MCMBP: variants seen among roughly 807,000 people sequenced by gnomAD.
MCMBP encodes the protein mini-chromosome maintenance complex-binding protein.
MCMBP carries 31 observed loss-of-function variants against 81.3 expected under a neutral mutation model. The ratio of observed to expected loss-of-function variants is 0.38; its 90% CI spans 0.29 to 0.51. MCMBP has a LOEUF of 0.51. MCMBP is among the 20% of genes least tolerant of loss of function. MCMBP has a pLI of 0.87. For synonymous variants in MCMBP, 267 were observed against 275.9 expected, an observed-to-expected ratio of 0.97 and a Z score of 0.32; for missense variants, 645 against 772.1, an observed-to-expected ratio of 0.84 and a Z score of 1.95.
Position 119,831,533 on chromosome 10 carries a change from C to A in MCMBP, c.1864G>T (p.Glu622Ter). 2 of 1,614,090 alleles carry A rather than the reference C, an allele frequency of 1.2e-6. No individual in the cohort carries two copies. The highest frequency in any genetic ancestry group is 1.7e-6 in the Non-Finnish European group (2 of 1,179,958). The change falls in exon 16 of 16, where the codon GAG (glutamate) becomes TAG (stop). Residue 622 changes from glutamate (E) to a stop codon, truncating the protein, a stop_gained. Coordinates refer to ENST00000369077, the MANE Select transcript of MCMBP (RefSeq NM_001256378.2). LOFTEE classifies it high-confidence loss of function. ...TGAAGCCTCGTTCTTCTTAAAGACTCTAGCTGCTTTGCTCTCAGCCATCGT... is the reference window on the plus strand; with the variant it reads ...TGAAGCCTCGTTCTTCTTAAAGACTATAGCTGCTTTGCTCTCAGCCATCGT... Reference protein sequence around the residue: ...RERWLRAKQLESLRRTRLQQQ... With the variant: ...RERWLRAKQL
chr10:119,863,874 C>T (rs749138698), intron 1 of MCMBP, among the ~76,000 whole-genome samples: 5 of 150,376 alleles, frequency 3.3e-5, no homozygotes, highest in Non-Finnish European at 7.4e-5. Flanking sequence ...TAGTTTGTGG[C>T]TGTGATCAGC....
At chr10:119,844,414 T>C (rs573751040) in intron 8 of MCMBP, among the ~76,000 whole-genome samples, 4 of 152,316 alleles carry the variant, frequency 2.6e-5, no homozygotes, top group South Asian at 2.1e-4. Flanking sequence ...GTACGTACCA[T>C]GTGACAGACA....
At chr10:119,867,090 C>T (rs566385880) in intron 1 of MCMBP, among the ~76,000 whole-genome samples, 5 of 151,824 alleles carry the variant, frequency 3.3e-5, no homozygotes, top group Admixed American at 2.6e-4. Context: ...CAGAGGAGGT[C>T]GAGACCATCC....
intron 6 of MCMBP, 101 bp from the exon 7 acceptor site, chr10:119,849,677 C>G: frequency 9.2e-7 from 1 of 1,090,342 alleles, no homozygotes; most frequent in Non-Finnish European, 1.3e-6. Context: ...CGTGATGCTT[C>G]TGAGCTTGCA....
chr10:119,854,530 C>A (rs1007211965), intron 5 of MCMBP, among the ~76,000 whole-genome samples: 1 of 135,652 alleles, frequency 7.4e-6, no homozygotes, highest in Non-Finnish European at 1.6e-5. Context: ...AAGGGAGAGA[C>A]CCTGTCTCAA....
chr10:119,838,263 CATTATAT>C (rs963943435), intron 12 of MCMBP, among the ~76,000 whole-genome samples: 1 of 147,470 alleles, frequency 6.8e-6, no homozygotes, highest in Admixed American at 6.8e-5. Flanking sequence ...TTAAATGAGA[CATTATAT>C]ATTATATATG....
chr10:119,855,354 A>G (rs1189041594), intron 5 of MCMBP, among the ~76,000 whole-genome samples: 2 of 152,208 alleles, frequency 1.3e-5, no homozygotes, highest in Admixed American at 6.5e-5. Flanking sequence ...TTTGAAATCA[A>G]TAATCTGAGC....
Position 119,840,973 on chromosome 10 carries a change from G to T in MCMBP, c.1125-13C>A. ...TCTTCTTGTATATCTAGAAAAGAAAGAAATCAATCAATAAGATGCTGAAGT... is the reference window on the plus strand; with the variant it reads ...TCTTCTTGTATATCTAGAAAAGAAATAAATCAATCAATAAGATGCTGAAGT... On this transcript the variant is annotated splice_polypyrimidine_tract_variant and intron_variant, in intron 10 of 15. Coordinates refer to ENST00000369077, the MANE Select transcript of MCMBP (RefSeq NM_001256378.2). The T allele has an allele frequency of 6.2e-6, 9 of 1,447,398 alleles. No homozygotes were observed. The highest frequency in any genetic ancestry group is 2.4e-5 in the South Asian group (2 of 83,442). The allele number at this position is 1,447,398 out of a possible 1,614,324, so 89.7% of individuals were successfully genotyped here. A position where few individuals can be genotyped will look rare whatever the true frequency, so the allele number is the denominator to read the frequency against.
chr10:119,850,364 A>C (rs1589788416), intron 6 of MCMBP, among the ~76,000 whole-genome samples: 2 of 152,260 alleles, frequency 1.3e-5, no homozygotes, highest in Non-Finnish European at 2.9e-5. Flanking sequence ...GGTAGTTAGG[A>C]GCATAAAAGG....
intron 14 of MCMBP, among the ~76,000 whole-genome samples, chr10:119,834,136 C>T (rs1356509880): frequency 1.3e-5 from 2 of 152,148 alleles, no homozygotes; most frequent in African/African-American, 2.4e-5. Context: ...GTGGTAGTGT[C>T]AGAAGGAGAG....
intron 8 of MCMBP, among the ~76,000 whole-genome samples, chr10:119,846,956 A>G (rs1852638925): frequency 6.6e-6 from 1 of 152,082 alleles, no homozygotes. Flanking sequence ...AAGGCTGAGG[A>G]CTGTTTCAGA....
chr10:119,868,920 T>C (rs569114836), intron 1 of MCMBP, among the ~76,000 whole-genome samples: 1 of 151,980 alleles, frequency 6.6e-6, no homozygotes, highest in South Asian at 2.1e-4. Context: ...GAGGAGGGGG[T>C]ACGCAGTGAT....
At chr10:119,858,815 G>T in intron 4 of MCMBP, 69 bp downstream of exon 4, 1 of 1,104,570 alleles carries the variant, frequency 9.1e-7, no homozygotes, top group Middle Eastern at 2.9e-4. Context: ...TTTAAGATTA[G>T]CTAAACAAAT....
At chr10:119,855,370 C>T (rs1852997877) in intron 5 of MCMBP, among the ~76,000 whole-genome samples, 1 of 152,160 alleles carries the variant, frequency 6.6e-6, no homozygotes, top group South Asian at 2.1e-4. Flanking sequence ...TGAGCATCTA[C>T]TTTAAAAAGC....
intron 10 of MCMBP, 126 bp from the exon 11 acceptor site, chr10:119,841,086 A>T: frequency 1.5e-6 from 1 of 672,794 alleles, no homozygotes; most frequent in South Asian, 1.7e-5. Flanking sequence ...CTGACCAGTT[A>T]TTTTATCAGA....
intron 13 of MCMBP, 75 bp downstream of exon 13, chr10:119,836,821 G>T (rs1022356410): frequency 6.5e-6 from 4 of 614,416 alleles, no homozygotes; most frequent in East Asian, 4.1e-5. Flanking sequence ...ATTAATAAGC[G>T]GTACCAAGAA....
intron 12 of MCMBP, among the ~76,000 whole-genome samples, chr10:119,837,268 G>A (rs1852281662): frequency 6.6e-6 from 1 of 152,088 alleles, no homozygotes; most frequent in African/African-American, 2.4e-5. Flanking sequence ...CATCTGGTAT[G>A]CACCTAGACA....
intron 14 of MCMBP, among the ~76,000 whole-genome samples, chr10:119,833,228 T>C (rs1162437499): frequency 6.6e-6 from 1 of 152,070 alleles, no homozygotes; most frequent in African/African-American, 2.4e-5. Flanking sequence ...TTTATAGAAT[T>C]AGTCAAAAAA....
chr10:119,861,576 T>C (rs1853256558), intron 1 of MCMBP, among the ~76,000 whole-genome samples: 2 of 151,786 alleles, frequency 1.3e-5, no homozygotes, highest in Non-Finnish European at 2.9e-5. Flanking sequence ...TCAAAATGGA[T>C]GTTTAAAGAA....
Sources: allele counts gnomAD v4.1 joint callset (sites outside exome capture counted in the v4.1 genomes callset), GRCh38; gene constraint gnomAD v4.1.1; transcripts MANE v1.5; gene names NCBI Gene and HGNC (gene_info 2026-07-23, HGNC 2026-07-21).